FHIT: variants seen among roughly 807,000 people sequenced by gnomAD.
FHIT encodes the protein bis(5'-adenosyl)-triphosphatase.
Under a neutral mutation model 17.9 loss-of-function variants are expected in FHIT, and 19 were observed. The ratio of observed to expected loss-of-function variants is 1.06; its 90% CI spans 0.74 to 1.56. FHIT has a LOEUF of 1.56. Among genes scored for constraint, FHIT ranks in the 40% most tolerant of loss-of-function variants. FHIT has a pLI of 0.00. For missense variants in FHIT, 248 were observed against 189.2 expected, an observed-to-expected ratio of 1.31 and a Z score of -1.82; for synonymous variants, 81 against 69.7, an observed-to-expected ratio of 1.16 and a Z score of -0.81.
chr3:60,838,457 G>A (rs782127211), intron 3 of FHIT, among the ~76,000 whole-genome samples: 5 of 152,164 alleles, frequency 3.3e-5, no homozygotes, highest in Non-Finnish European at 7.4e-5. Context: ...GGGCGACAGA[G>A]CAAGACTCCG....
intron 5 of FHIT, among the ~76,000 whole-genome samples, chr3:60,200,671 G>GA (rs5849342): frequency 0.59 from 86,726 of 145,962 alleles, 25,711 homozygotes; most frequent in East Asian, 0.88. Flanking sequence ...GCTTTTGGGG[G>GA]AAAAAAAAAA....
At position 60,851,560 on chromosome 3, in the gene FHIT, T is replaced by C. The variant is rs377193679; in HGVS notation, c.-110-29549A>G. ...ACATCAGTACTTCCTACTCTCACTT[T>C]TTTGGCCAATTCTGTGTGATTAAAT... On this transcript the variant is annotated intron_variant, in intron 3 of 9. Transcript: ENST00000492590. Among the ~76,000 whole-genome samples the C allele has an allele frequency of 6.6e-5, 10 of 152,130 alleles. No homozygotes were observed. In the East Asian group the frequency reaches 1.3e-3, roughly 20 times the overall value.
At chr3:60,525,822 G>T (rs976661740) in intron 5 of FHIT, among the ~76,000 whole-genome samples, 1 of 152,162 alleles carries the variant, frequency 6.6e-6, no homozygotes, top group Non-Finnish European at 1.5e-5. Flanking sequence ...ACAGGTGACA[G>T]GTGGCCAGGT....
intron 7 of FHIT, among the ~76,000 whole-genome samples, chr3:59,991,078 C>G (rs1709210482): frequency 1.3e-5 from 2 of 152,018 alleles, no homozygotes; most frequent in African/African-American, 4.8e-5. Flanking sequence ...CACACTTCAG[C>G]AGACTACCAG....
intron 4 of FHIT, among the ~76,000 whole-genome samples, chr3:60,678,542 T>C (rs1176386219): frequency 2.5e-4 from 38 of 152,138 alleles, no homozygotes; most frequent in Admixed American, 1.0e-3. Flanking sequence ...AACTGATAGA[T>C]TTTCCTGTAA....
At chr3:61,030,846 G>T (rs931748857) in intron 3 of FHIT, among the ~76,000 whole-genome samples, 1 of 152,172 alleles carries the variant, frequency 6.6e-6, no homozygotes, top group Non-Finnish European at 1.5e-5. Flanking sequence ...GTTTCAAAGG[G>T]TAAAGCCTGT....
chr3:61,051,016 GCAGA>G (rs1355588449), intron 2 of FHIT, among the ~76,000 whole-genome samples: 1 of 152,146 alleles, frequency 6.6e-6, no homozygotes, highest in Non-Finnish European at 1.5e-5. Context: ...TCATACACGT[GCAGA>G]CAAACAACAG....
chr3:59,771,506 A>C (rs1702073411), intron 8 of FHIT, among the ~76,000 whole-genome samples: 1 of 152,216 alleles, frequency 6.6e-6, no homozygotes. Flanking sequence ...TTTGAGGGTG[A>C]AACCCCCCAT....
At chr3:60,547,122 T>C (rs241677) in intron 4 of FHIT, among the ~76,000 whole-genome samples, 144,682 of 152,312 alleles carry the variant, frequency 0.95, 68,794 homozygotes, top group East Asian at 1. Flanking sequence ...ATACTTTCCT[T>C]TCACATAAAA....
chr3:60,652,727 C>CAAAAAAAAAAAAAAAAAAAA (rs782637479), intron 4 of FHIT, among the ~76,000 whole-genome samples: 1 of 59,018 alleles, frequency 1.7e-5, no homozygotes, highest in African/African-American at 6.2e-5. Flanking sequence ...GACTCCATCT[C>CAAAAAAAAAAAAAAAAAAAA]AAAAAAAAAA....
rs118079302 is a variant in FHIT, at chr3:60,871,255, G to A, written c.-110-49244C>T. Among the ~76,000 whole-genome samples, 14 of 152,168 alleles carry A rather than the reference G, an allele frequency of 9.2e-5. No homozygotes were observed. The East Asian group carries it at 2.5e-3, about 27-fold the overall frequency. Reference sequence around the variant, plus strand: ...TGCATATTTTAACATTGCCTTCACAGTGAAACTATAGAGAGCTTTATGGTG... The same window carrying A: ...TGCATATTTTAACATTGCCTTCACAATGAAACTATAGAGAGCTTTATGGTG... On this transcript the variant is annotated intron_variant, in intron 3 of 9. Coordinates refer to ENST00000492590, the MANE Select transcript of FHIT (RefSeq NM_002012.4).
At chr3:61,054,752 C>T (rs1477970630) in intron 2 of FHIT, among the ~76,000 whole-genome samples, 2 of 152,154 alleles carry the variant, frequency 1.3e-5, no homozygotes, top group Non-Finnish European at 2.9e-5. Context: ...CAGCTGTCTC[C>T]TCCTCTTCCA....
intron 5 of FHIT, among the ~76,000 whole-genome samples, chr3:60,263,659 G>A (rs931382186): frequency 9.9e-5 from 15 of 151,924 alleles, no homozygotes; most frequent in Non-Finnish European, 1.9e-4. Flanking sequence ...GATGCCTGAG[G>A]CCAGGGGTGG....
At chr3:60,384,654 T>G (rs143874472) in intron 5 of FHIT, among the ~76,000 whole-genome samples, 53 of 152,180 alleles carry the variant, frequency 3.5e-4, no homozygotes, top group African/African-American at 1.2e-3. Context: ...ACATAAAAAC[T>G]GCCAAGGGCC....
intron 3 of FHIT, among the ~76,000 whole-genome samples, chr3:60,881,710 T>G (rs1430175854): frequency 1.3e-5 from 2 of 151,868 alleles, no homozygotes; most frequent in African/African-American, 2.4e-5. Context: ...ATTTAAAAAT[T>G]TATGAAAATG....
intron 7 of FHIT, among the ~76,000 whole-genome samples, chr3:59,934,104 G>A (rs1706108967): frequency 6.6e-6 from 1 of 152,098 alleles, no homozygotes; most frequent in Non-Finnish European, 1.5e-5. Context: ...AATAGCTGTT[G>A]CTATTTATTA....
intron 4 of FHIT, chr3:60,596,053 C>T (rs1168078893): frequency 4.3e-6 from 1 of 234,396 alleles, no homozygotes; most frequent in Admixed American, 6.5e-5. Context: ...TTTTTGCCTC[C>T]CTTCTGATTT....
intron 5 of FHIT, among the ~76,000 whole-genome samples, chr3:60,392,469 A>T (rs904522037): frequency 2.0e-5 from 3 of 152,206 alleles, no homozygotes; most frequent in Admixed American, 6.5e-5. Flanking sequence ...CACCTTGTTC[A>T]TGCTTTAACT....
intron 8 of FHIT, among the ~76,000 whole-genome samples, chr3:59,762,876 C>T (rs1009190833): frequency 2.6e-5 from 4 of 152,174 alleles, no homozygotes; most frequent in African/African-American, 9.7e-5. Context: ...CTAGAGATCT[C>T]TGCCAGTTTG....
Sources: gnomAD v4.1 joint callset for allele counts (sites outside exome capture counted in the v4.1 genomes callset) on GRCh38, gnomAD v4.1.1 for gene constraint, MANE v1.5 for transcripts, NCBI Gene and HGNC (gene_info 2026-07-23, HGNC 2026-07-21) for gene names.